Variants in SIM2 observed in about 807,000 individuals in gnomAD.
SIM2 encodes single-minded homolog 2.
SIM2 carries 28 observed loss-of-function variants against 64.8 expected under a neutral mutation model. That is an observed-to-expected ratio of 0.43 (90% confidence interval 0.32 to 0.59). SIM2 has a LOEUF of 0.59. Ranked by LOEUF, SIM2 falls within the 20% of genes least tolerant of loss-of-function variation. The pLI is 0.07. For synonymous variants in SIM2, 408 were observed against 391.1 expected (o/e 1.04, Z -0.51); for missense variants, 847 against 871.4 (o/e 0.97, Z 0.35).
chr21:36,720,964 T>C (rs1027899926), intron 4 of SIM2, among the ~76,000 whole-genome samples: 1 of 152,192 alleles, frequency 6.6e-6, no homozygotes, highest in Non-Finnish European at 1.5e-5. Context: ...GTGATGAGAA[T>C]GGGGTAGCTG....
chr21:36,712,406 T>C (rs1333146445), intron 2 of SIM2, 127 bp from the exon 3 acceptor site: 1 of 641,898 alleles, frequency 1.6e-6, no homozygotes, highest in African/African-American at 1.8e-5. Flanking sequence ...GCTTCATTTT[T>C]GCATTTAGCA....
At position 36,741,590 on chromosome 21, in the gene SIM2, G is replaced by A. The variant is rs1314149938; in HGVS notation, c.851-127G>A. On this transcript the variant is annotated intron_variant, in intron 7 of 10. Transcript: ENST00000290399. The stretch of plus-strand genomic sequence containing the variant: ...CGCACACAGACATGCACCCTCCAGC[G>A]GAGAAAGCCCGCCCCCTTTGTCAAG... The A allele has an allele frequency of 1.4e-5, 15 of 1,047,884 alleles. 1 individual carries two copies. The highest frequency in any genetic ancestry group is 5.9e-4 in the Middle Eastern group (2 of 3,384). The allele number at this position is 1,047,884 out of a possible 1,614,324, so 64.9% of individuals were successfully genotyped here. A position where few individuals can be genotyped will look rare whatever the true frequency, so the allele number is the denominator to read the frequency against.
At chr21:36,700,192 C>T (rs961205105) in intron 1 of SIM2, among the ~76,000 whole-genome samples, 43 of 152,346 alleles carry the variant, frequency 2.8e-4, no homozygotes, top group African/African-American at 1.0e-3. Context: ...AGTCCCCCAG[C>T]CCGCACGGCC....
At chr21:36,701,661 C>G (rs2088499840) in intron 1 of SIM2, 1 of 152,436 alleles carries the variant, frequency 6.6e-6, no homozygotes. Context: ...AGTCCCAGCC[C>G]CTCCAGCTGA....
chr21:36,699,177 G>A lies in SIM2; in HGVS notation c.-570G>A, dbSNP rs2088445932. On this transcript the variant is annotated 5_prime_UTR_variant, in exon 1 of 11. Coordinates refer to ENST00000290399, the MANE Select transcript of SIM2 (RefSeq NM_005069.6). This position sits in a 1 kb window ranked among gnomAD's most constrained non-coding sequence, Gnocchi z 5.6. ...GGTGCTGCGCCTAGCCACACATCGC[G>A]GGCTCCGGCGCTGCGTCTCCAGGCA... The A allele has an allele frequency of 6.6e-6, 1 of 151,638 alleles. No individual in the cohort carries two copies. The highest frequency in any genetic ancestry group is 2.4e-5 in the African/African-American group (1 of 41,318). The allele number at this position is 151,638 out of a possible 1,614,324, so 9.4% of individuals were successfully genotyped here.
intron 7 of SIM2, among the ~76,000 whole-genome samples, chr21:36,741,049 T>G (rs1177719843): frequency 6.6e-6 from 1 of 152,190 alleles, no homozygotes; most frequent in Admixed American, 6.6e-5. Flanking sequence ...TTGGCTGAGC[T>G]GCTTAGCGGC....
At chr21:36,736,807 C>T (rs528153240) in intron 7 of SIM2, among the ~76,000 whole-genome samples, 13 of 149,554 alleles carry the variant, frequency 8.7e-5, no homozygotes, top group Admixed American at 6.7e-5. Context: ...TTCTTTCTGT[C>T]TTTCCTCCCT....
intron 1 of SIM2, among the ~76,000 whole-genome samples, chr21:36,705,293 G>T (rs1305484827): frequency 6.6e-6 from 1 of 152,194 alleles, no homozygotes; most frequent in Non-Finnish European, 1.5e-5. Context: ...CTCCTCTCCC[G>T]CCACGCACAT....
At chr21:36,727,603 T>C (rs2088909370) in intron 6 of SIM2, among the ~76,000 whole-genome samples, 1 of 152,210 alleles carries the variant, frequency 6.6e-6, no homozygotes, top group Non-Finnish European at 1.5e-5. Flanking sequence ...CTCTCTTACC[T>C]GCAAGGCCAC....
Position 36,744,910 on chromosome 21 carries a change from C to A in SIM2, c.1350C>A (p.Asp450Glu). The A allele has an allele frequency of 6.2e-7, 1 of 1,614,276 alleles. No individual in the cohort carries two copies. Among genetic ancestry groups the A allele is most frequent in the South Asian group, 1.1e-5 (1 of 91,090 alleles). The change falls in exon 10 of 11, where the codon GAC becomes GAA. Residue 450 changes from aspartate (D) to glutamate (E), a missense_variant. Coordinates refer to ENST00000290399, the MANE Select transcript of SIM2 (RefSeq NM_005069.6). ...ACCATTACGGACACTTCCCTCTGGA[C>A]TCTCACGTCTTCAGCAGCAAAAAGC... Reference protein sequence around the residue: ...FSYHYGHFPLDSHVFSSKKPM... With the variant: ...FSYHYGHFPLESHVFSSKKPM...
chr21:36,704,457 A>C (rs1329026197), intron 1 of SIM2, among the ~76,000 whole-genome samples: 6 of 152,248 alleles, frequency 3.9e-5, no homozygotes, highest in Non-Finnish European at 7.3e-5. Flanking sequence ...TCCAGGAGGG[A>C]AAGCCCGCAG....
intron 1 of SIM2, among the ~76,000 whole-genome samples, chr21:36,706,551 C>T (rs1175546380): frequency 6.6e-6 from 1 of 152,258 alleles, no homozygotes; most frequent in Admixed American, 6.5e-5. Flanking sequence ...ATGAGGACCA[C>T]GTGCTCAGTG....
At chr21:36,741,450 G>C (rs973497826) in intron 7 of SIM2, among the ~76,000 whole-genome samples, 2 of 152,234 alleles carry the variant, frequency 1.3e-5, no homozygotes, top group Non-Finnish European at 2.9e-5. Flanking sequence ...TTCCCTCAAT[G>C]AAAGCAATGA....
chr21:36,729,446 T>C (rs1311850571), intron 6 of SIM2, among the ~76,000 whole-genome samples: 1 of 151,712 alleles, frequency 6.6e-6, no homozygotes, highest in Non-Finnish European at 1.5e-5. Flanking sequence ...TGGAAATGAG[T>C]ACACCAAACA....
At chr21:36,700,939 C>T (rs1434230267) in intron 1 of SIM2, among the ~76,000 whole-genome samples, 1 of 152,252 alleles carries the variant, frequency 6.6e-6, no homozygotes, top group Non-Finnish European at 1.5e-5. Flanking sequence ...GGCTGCCCCG[C>T]CGCCCACGCC....
intron 3 of SIM2, among the ~76,000 whole-genome samples, chr21:36,718,328 C>T (rs2088773399): frequency 6.6e-6 from 1 of 152,178 alleles, no homozygotes; most frequent in Admixed American, 6.5e-5. Flanking sequence ...AGAACTTCTC[C>T]ATTAAGCAGC....
intron 7 of SIM2, among the ~76,000 whole-genome samples, chr21:36,736,094 C>T (rs1317102482): frequency 6.6e-6 from 1 of 152,244 alleles, no homozygotes; most frequent in Non-Finnish European, 1.5e-5. Context: ...GGCAGCCTGC[C>T]AGCTTCCCTT....
Position 36,726,203 on chromosome 21 carries a change from C to T in SIM2, c.628C>T (p.Leu210=). Residue 210 remains leucine, a synonymous_variant, in exon 6 of 11, where the codon CTG becomes TTG. Transcript: ENST00000290399. This position sits in a 1 kb window ranked among gnomAD's most constrained non-coding sequence, Gnocchi z 4.5. ...LYDSCYQIVG[L]VAVGQSLPPS... ...CGACTCCTGCTACCAGATTGTGGGG[C>T]TGGTGGCCGTGGGCCAGTCGCTGCC... 6.2e-7 allele frequency: 1 copy of T among 1,613,984 alleles called. No individual in the cohort carries two copies. Among genetic ancestry groups the T allele is most frequent in the Non-Finnish European group, 8.5e-7 (1 of 1,180,030 alleles).
In SIM2 at chr21:36,741,758, C is replaced by T; in HGVS notation, c.892C>T (p.Leu298=). The change falls in exon 8 of 11, where the codon CTG becomes TTG. Residue 298 remains leucine (L), a synonymous_variant. Transcript: ENST00000290399. Reference sequence around the variant, plus strand: ...GGTCACCACCAAGTACTACCGGCTGCTGTCCAAGCGGGGCGGCTGGGTGTG... The same window carrying T: ...GGTCACCACCAAGTACTACCGGCTGTTGTCCAAGCGGGGCGGCTGGGTGTG... ...GQVTTKYYRL[L]SKRGGWVWVQ... The T allele has an allele frequency of 1.2e-6, 2 of 1,613,484 alleles. No individual in the cohort carries two copies. Among genetic ancestry groups the T allele is most frequent in the South Asian group, 1.1e-5 (1 of 90,986 alleles).
Sources: allele counts gnomAD v4.1 joint callset (sites outside exome capture counted in the v4.1 genomes callset), GRCh38; gene constraint gnomAD v4.1.1; non-coding constraint Gnocchi (gnomAD v3.1); transcripts MANE v1.5; gene names NCBI Gene and HGNC (gene_info 2026-07-23, HGNC 2026-07-21).